The following DIPK1B variants were observed in gnomAD, a reference collection of about 807,000 sequenced individuals.
DIPK1B encodes the protein family with sequence similarity 69 member B.
In DIPK1B, 17 loss-of-function variants were observed where a neutral mutation model predicts 20.7. The observed-to-expected ratio is 0.82, with a 90% CI of 0.56 to 1.23. The LOEUF (loss-of-function observed/expected upper bound fraction) is 1.23, where lower values mean the gene tolerates loss of function less well. DIPK1B is among the 50% of genes most tolerant of loss of function. The pLI is 0.00. For synonymous variants in DIPK1B, 343 were observed against 276.5 expected (o/e 1.24, Z -2.39); for missense variants, 648 against 601.8 (o/e 1.08, Z -0.80).
Position 136,722,168 on chromosome 9 carries a change from G to A in DIPK1B, c.350G>A (p.Cys117Tyr), listed in dbSNP as rs1362611323. The change falls in exon 4 of 5, where the codon TGT becomes TAT. Residue 117 changes from cysteine (C) to tyrosine (Y), a missense_variant. Transcript: ENST00000371692. ...CGGGACAAGGATGTAACCATCAAGT[G>A]TGGCATTGAGGAGACCCTCGACTCC... ...LWRDKDVTIK[C>Y]GIEETLDSKA... 6 of 1,613,934 alleles carry A rather than the reference G, an allele frequency of 3.7e-6. No individual in the cohort carries two copies. Among genetic ancestry groups the A allele is most frequent in the African/African-American group, 1.3e-5 (1 of 74,932 alleles).
intron 2 of DIPK1B, among the ~76,000 whole-genome samples, chr9:136,717,936 T>G (rs1474933084): frequency 6.2e-5 from 1 of 16,210 alleles, no homozygotes; most frequent in Non-Finnish European, 1.2e-4. Flanking sequence ...GTGTGGAGGA[T>G]GGGGGTCCAG....
chr9:136,723,370 A>G lies in DIPK1B; in HGVS notation c.892A>G (p.Thr298Ala). ...GSYGTFYMCE[T>A]TLANVGYTAT... is the part of the protein sequence containing the mutation. The stretch of plus-strand genomic sequence containing the variant: ...TTACGGGACTTTCTACATGTGTGAG[A>G]CCACACTGGCCAACGTGGGCTACAC... Residue 298 changes from threonine (T) to alanine (A), a missense_variant, in exon 5 of 5, where the codon ACC becomes GCC. Transcript: ENST00000371692. 1.2e-6 allele frequency: 2 copies of G among 1,613,308 alleles called. No individual in the cohort carries two copies. Among genetic ancestry groups the G allele is most frequent in the Non-Finnish European group, 1.7e-6 (2 of 1,179,838 alleles).
Position 136,724,687 on chromosome 9 carries a change from C to A in DIPK1B, c.*913C>A, listed in dbSNP as rs1294580763. On this transcript the variant is annotated 3_prime_UTR_variant, in exon 5 of 5. Coordinates refer to ENST00000371692, the MANE Select transcript of DIPK1B (RefSeq NM_152421.4). Reference sequence around the variant, plus strand: ...TTTAAATCTTTTAATTCACTTCATCCTGTATTTTAAAATAAATGTTTTCCA... The same window carrying A: ...TTTAAATCTTTTAATTCACTTCATCATGTATTTTAAAATAAATGTTTTCCA... 3 of 152,254 alleles carry A rather than the reference C, an allele frequency of 2.0e-5. No individual in the cohort carries two copies. Among genetic ancestry groups the A allele is most frequent in the Admixed American group, 2.0e-4 (3 of 15,292 alleles). 9.4% of individuals were successfully genotyped at this position (152,254 alleles called of 1,614,324 possible).
intron 4 of DIPK1B, 30 bp downstream of exon 4, chr9:136,722,331 G>A: frequency 6.3e-7 from 1 of 1,599,476 alleles, no homozygotes; most frequent in Non-Finnish European, 8.5e-7. Flanking sequence ...GGGCAGGGCA[G>A]GAGTCCACAC....
chr9:136,716,264 C>CTT (rs71385760), intron 1 of DIPK1B, among the ~76,000 whole-genome samples: 288 of 121,140 alleles, frequency 2.4e-3, no homozygotes, highest in Middle Eastern at 4.4e-3. Context: ...GAGTCTGTGT[C>CTT]TTTTTTTTTT....
At chr9:136,716,547 GT>G (rs1265696903) in intron 1 of DIPK1B, among the ~76,000 whole-genome samples, 1 of 151,986 alleles carries the variant, frequency 6.6e-6, no homozygotes, top group East Asian at 1.9e-4. Context: ...GGATCACAGG[GT>G]GAGCCACCGC....
chr9:136,719,704 A>G (rs979901283), intron 2 of DIPK1B, among the ~76,000 whole-genome samples: 6 of 152,222 alleles, frequency 3.9e-5, no homozygotes, highest in South Asian at 2.1e-4. Flanking sequence ...GCCCAGGACC[A>G]TGGAGGCAGC....
chr9:136,723,774 A>T lies in DIPK1B; in HGVS notation c.1296A>T (p.Ter432CysextTer30). 6.5e-7 allele frequency: 1 copy of T among 1,534,004 alleles called. No individual in the cohort carries two copies. Among genetic ancestry groups the T allele is most frequent in the Non-Finnish European group, 8.7e-7 (1 of 1,146,592 alleles). The change falls in exon 5 of 5, where the codon TGA becomes TGT. Residue 432 changes from the stop codon to cysteine (C), a stop_lost. Transcript: ENST00000371692. ...WKKISNTKYS[*>C] is the part of the protein sequence containing the mutation. ...AGATCTCCAACACCAAGTACTCTTG[A>T]TGGGGCAGTGAGGGGCCTGGCCACC...
chr9:136,717,825 G>A (rs1425804048), intron 2 of DIPK1B, 114 bp downstream of exon 2: 25 of 1,499,734 alleles, frequency 1.7e-5, no homozygotes, highest in Middle Eastern at 1.7e-4. Flanking sequence ...CACGAGGCAC[G>A]TGGGTTTCTA....
At chr9:136,716,948 G>A (rs926121944) in intron 1 of DIPK1B, among the ~76,000 whole-genome samples, 1 of 152,142 alleles carries the variant, frequency 6.6e-6, no homozygotes, top group Non-Finnish European at 1.5e-5. Context: ...TCTTCATTCG[G>A]CCAGGCACAG....
chr9:136,722,631 G>C (rs548941323), intron 4 of DIPK1B: 81 of 563,348 alleles, frequency 1.4e-4, no homozygotes, highest in Non-Finnish European at 2.1e-4. Context: ...GCTTCAGCCA[G>C]TGCGTGCCCT....
In DIPK1B at chr9:136,723,510, C is replaced by T. The variant is rs373421475; in HGVS notation, c.1032C>T (p.Arg344=). ...CEHSTDCTYG[R]DCRAPCDRLM... ...ACAGCACCGACTGCACCTACGGGCG[C>T]GACTGCAGGGCCCCGTGTGACAGGC... is the stretch of plus-strand genomic sequence containing the variant. Residue 344 remains arginine, a synonymous_variant, in exon 5 of 5, where the codon CGC becomes CGT. Coordinates refer to ENST00000371692, the MANE Select transcript of DIPK1B (RefSeq NM_152421.4). The T allele has an allele frequency of 5.6e-5, 89 of 1,603,214 alleles. No individual in the cohort carries two copies. In the Middle Eastern group the frequency reaches 6.6e-4, roughly 12 times the overall value.
At chr9:136,720,906 C>T (rs1375375433) in intron 2 of DIPK1B, 2 of 152,296 alleles carry the variant, frequency 1.3e-5, no homozygotes, top group Admixed American at 1.3e-4. Flanking sequence ...GTCCTCCTGC[C>T]TCAGCCTGGG....
In DIPK1B at chr9:136,717,628, G is replaced by T; in HGVS notation, c.115G>T (p.Val39Phe). The change falls in exon 2 of 5, where the codon GTC (valine) becomes TTC (phenylalanine). Residue 39 changes from valine (V) to phenylalanine (F), a missense_variant. By Grantham distance (50) the Val-to-Phe change is conservative (BLOSUM62 -1). Transcript: ENST00000371692. Reference sequence around the variant, plus strand: ...CTGCATCTTCCTGGCCTGGCTGGGCGTCTTTGCAGGCAGCTGGCTGGTGTA... The same window carrying T: ...CTGCATCTTCCTGGCCTGGCTGGGCTTCTTTGCAGGCAGCTGGCTGGTGTA... ...VRCIFLAWLGVFAGSWLVYVH... is the reference protein window; with the variant it reads ...VRCIFLAWLGFFAGSWLVYVH... 6.2e-7 allele frequency: 1 copy of T among 1,605,710 alleles called. No individual in the cohort carries two copies. The highest frequency in any genetic ancestry group is 1.1e-5 in the South Asian group (1 of 91,092).
At chr9:136,716,709 C>A (rs1846501904) in intron 1 of DIPK1B, among the ~76,000 whole-genome samples, 1 of 152,126 alleles carries the variant, frequency 6.6e-6, no homozygotes, top group South Asian at 2.1e-4. Flanking sequence ...CCGCCTGCGT[C>A]TCTTAAAGGC....
At chr9:136,722,823 G>A in intron 4 of DIPK1B, 139 bp from the exon 5 acceptor site, 1 of 825,500 alleles carries the variant, frequency 1.2e-6, no homozygotes, top group Non-Finnish European at 1.8e-6. Flanking sequence ...CCGTGTAGCT[G>A]TGGGCTGGGA....
At chr9:136,716,701 G>A (rs1261978934) in intron 1 of DIPK1B, among the ~76,000 whole-genome samples, 4 of 151,890 alleles carry the variant, frequency 2.6e-5, no homozygotes, top group African/African-American at 4.8e-5. Context: ...TGCCCGGCCC[G>A]CCTGCGTCTC....
intron 4 of DIPK1B, 47 bp downstream of exon 4, chr9:136,722,348 C>T (rs916165667): frequency 9.5e-6 from 15 of 1,575,964 alleles, no homozygotes; most frequent in Non-Finnish European, 1.2e-5. Flanking sequence ...ACACCACGGT[C>T]ATATGCCCAG....
chr9:136,715,890 G>A (rs2131040254), intron 1 of DIPK1B, among the ~76,000 whole-genome samples: 1 of 152,264 alleles, frequency 6.6e-6, no homozygotes, highest in East Asian at 1.9e-4. Context: ...CAGTTTAGTG[G>A]TCACCTCCCT....
Sources: gnomAD v4.1 joint callset for allele counts (sites outside exome capture counted in the v4.1 genomes callset) on GRCh38, gnomAD v4.1.1 for gene constraint, MANE v1.5 for transcripts, NCBI Gene and HGNC (gene_info 2026-07-23, HGNC 2026-07-21) for gene names.